STAM2: variants seen among roughly 807,000 people sequenced by gnomAD.
STAM2 encodes the protein signal transducing adaptor molecule 2, also known as signal transducing adapter molecule 2.
Under a neutral mutation model 65.6 loss-of-function variants are expected in STAM2, and 51 were observed. That is an observed-to-expected ratio of 0.78 (90% CI 0.62 to 0.98). The LOEUF (loss-of-function observed/expected upper bound fraction) is 0.98, where lower values mean the gene tolerates loss of function less well. STAM2 is among the 50% of genes least tolerant of loss of function. The probability of loss-of-function intolerance (pLI) is 0.00; values close to 1 mark genes in which losing one functional copy is unlikely to be tolerated. For synonymous variants in STAM2, 198 were observed against 208.4 expected (o/e 0.95, Z 0.43); for missense variants, 584 against 617.8 (o/e 0.95, Z 0.58).
intron 13 of STAM2, among the ~76,000 whole-genome samples, chr2:152,122,182 T>A (rs189735184): frequency 1.3e-5 from 2 of 152,032 alleles, no homozygotes; most frequent in East Asian, 3.9e-4. Flanking sequence ...TCCCAGCATT[T>A]TGGGAGGCCA....
chr2:152,159,901 C>T lies in STAM2; in HGVS notation c.41-9672G>A, dbSNP rs377452884. ...GCGCCGCCACGCCTGACTGGTTTTC[C>T]TATTTTTTTGGTGGAGACGGGGTTT... On this transcript the variant is annotated intron_variant, in intron 1 of 13. Transcript: ENST00000263904. 1.5e-3 allele frequency among the ~76,000 whole-genome samples: 234 copies of T among 152,324 alleles called. 1 individual carries two copies. The highest frequency in any genetic ancestry group is 5.4e-3 in the African/African-American group (226 of 41,574).
Position 152,135,611 on chromosome 2 carries a change from T to C in STAM2, c.705-8A>G, listed in dbSNP as rs376781047. ...TTCCACCAATTGGCATCACTAAAAA[T>C]ACAGTGCAAAAAATATCATTTGTTC... On this transcript the variant is annotated splice_region_variant and splice_polypyrimidine_tract_variant and intron_variant, in intron 7 of 13. Coordinates refer to ENST00000263904, the MANE Select transcript of STAM2 (RefSeq NM_005843.6). 8.3e-6 allele frequency: 13 copies of C among 1,573,222 alleles called. No homozygotes were observed. Among genetic ancestry groups the C allele is most frequent in the African/African-American group, 8.1e-5 (6 of 73,724 alleles).
chr2:152,162,785 C>T (rs369421513), intron 1 of STAM2, among the ~76,000 whole-genome samples: 19 of 150,478 alleles, frequency 1.3e-4, no homozygotes, highest in East Asian at 1.2e-3. Context: ...GGGATATAGG[C>T]GCACGCCACC....
rs1456136560 is a variant in STAM2, at chr2:152,119,294, T to C, written c.*1280A>G. 5 of 152,198 alleles carry C rather than the reference T, an allele frequency of 3.3e-5. No individual in the cohort carries two copies. The highest frequency in any genetic ancestry group is 3.3e-4 in the Admixed American group (5 of 15,278). 9.4% of individuals were successfully genotyped at this position (152,198 alleles called of 1,614,324 possible). On this transcript the variant is annotated 3_prime_UTR_variant, in exon 14 of 14. Coordinates refer to ENST00000263904, the MANE Select transcript of STAM2 (RefSeq NM_005843.6). ...GTTTACTACCAAACTCTCACAGTTATATAGAATCTATTAGCACTATAAACT... is the reference window on the plus strand; with the variant it reads ...GTTTACTACCAAACTCTCACAGTTACATAGAATCTATTAGCACTATAAACT...
intron 1 of STAM2, 56 bp downstream of exon 1, chr2:152,175,547 C>A: frequency 6.2e-7 from 1 of 1,610,618 alleles, no homozygotes; most frequent in East Asian, 2.2e-5. Context: ...TCTAGCCGGA[C>A]AAACAGCAGT....
Position 152,120,755 on chromosome 2 carries a change from G to A in STAM2, c.1397C>T (p.Ser466Phe). 1 of 1,614,160 alleles carries A rather than the reference G, an allele frequency of 6.2e-7. No homozygotes were observed. Among genetic ancestry groups the A allele is most frequent in the Non-Finnish European group, 8.5e-7 (1 of 1,180,032 alleles). ...TGTACCAGTAGCTGACTGTAGGTTA[G>A]AGTTCTGGTTCATATAAGTAGGATT... ...VSNPTYMNQN[S>F]NLQSATGTTA... The change falls in exon 14 of 14, where the codon TCT becomes TTT. Residue 466 changes from serine to phenylalanine, a missense_variant. Transcript: ENST00000263904.
At chr2:152,140,609 T>C (rs1239093831) in intron 7 of STAM2, among the ~76,000 whole-genome samples, 1 of 152,206 alleles carries the variant, frequency 6.6e-6, no homozygotes, top group African/African-American at 2.4e-5. Context: ...TTCCTTAAAA[T>C]ACCTGTTTTA....
At chr2:152,139,812 C>G (rs915402304) in intron 7 of STAM2, among the ~76,000 whole-genome samples, 3 of 151,708 alleles carry the variant, frequency 2.0e-5, no homozygotes, top group Non-Finnish European at 4.4e-5. Context: ...CAAAAGTATT[C>G]ATGAAAGATA....
At chr2:152,148,781 T>A (rs1303122085) in intron 2 of STAM2, among the ~76,000 whole-genome samples, 1 of 146,610 alleles carries the variant, frequency 6.8e-6, no homozygotes. Context: ...CATAGAACTT[T>A]AAAAAAAAAA....
intron 1 of STAM2, among the ~76,000 whole-genome samples, chr2:152,174,612 T>C (rs1326231537): frequency 6.6e-6 from 1 of 152,208 alleles, no homozygotes; most frequent in Non-Finnish European, 1.5e-5. Flanking sequence ...TGCTGAGATG[T>C]GCAGTATTCT....
rs1688777323 is a variant in STAM2 at position 152,117,873 on chromosome 2, G to A, written c.*2701C>T. 2 of 152,046 alleles carry A rather than the reference G, an allele frequency of 1.3e-5. No individual in the cohort carries two copies. The highest frequency in any genetic ancestry group is 1.3e-4 in the Admixed American group (2 of 15,262). The allele number at this position is 152,046 out of a possible 1,614,324, so 9.4% of individuals were successfully genotyped here. Reference sequence around the variant, plus strand: ...AGACAAGTATCAATTATTTCAAACAGCATGACAATTTAACTACAAATAATT... The same window carrying A: ...AGACAAGTATCAATTATTTCAAACAACATGACAATTTAACTACAAATAATT... On this transcript the variant is annotated 3_prime_UTR_variant, in exon 14 of 14. Transcript: ENST00000263904.
intron 1 of STAM2, among the ~76,000 whole-genome samples, chr2:152,162,282 T>C (rs138998200): frequency 5.2e-4 from 79 of 152,178 alleles, no homozygotes; most frequent in African/African-American, 1.9e-3. Context: ...AGGATCCCCA[T>C]AAGTGGGGAC....
intron 10 of STAM2, among the ~76,000 whole-genome samples, chr2:152,132,502 A>T (rs1689082305): frequency 6.6e-6 from 1 of 152,194 alleles, no homozygotes; most frequent in African/African-American, 2.4e-5. Context: ...ACAGTATATA[A>T]ACTATGTAAC....
chr2:152,125,027 G>A (rs1688925966), intron 12 of STAM2, among the ~76,000 whole-genome samples: 1 of 152,214 alleles, frequency 6.6e-6, no homozygotes, highest in Non-Finnish European at 1.5e-5. Context: ...CATGAGTTGT[G>A]CTTGGCAAAA....
intron 12 of STAM2, chr2:152,124,230 G>T (rs1323376680): frequency 3.6e-6 from 1 of 279,148 alleles, no homozygotes; most frequent in Non-Finnish European, 6.7e-6. Flanking sequence ...CTATTACTCA[G>T]TAAAGATGTC....
At chr2:152,161,614 T>G (rs1689680885) in intron 1 of STAM2, among the ~76,000 whole-genome samples, 2 of 152,142 alleles carry the variant, frequency 1.3e-5, no homozygotes, top group African/African-American at 4.8e-5. Context: ...CCTGATAGAC[T>G]GTAAATAATT....
rs900607553 is a variant in STAM2, at chr2:152,118,290, C to T, written c.*2284G>A. 15 of 151,660 alleles carry T rather than the reference C, an allele frequency of 9.9e-5. No homozygotes were observed. Among genetic ancestry groups the T allele is most frequent in the Admixed American group, 5.3e-4 (8 of 15,214 alleles). The allele number at this position is 151,660 out of a possible 1,614,324, so 9.4% of individuals were successfully genotyped here. On this transcript the variant is annotated 3_prime_UTR_variant, in exon 14 of 14. Transcript: ENST00000263904. ...TACACAACCCTGTGTTTCTTAACAC[C>T]GAAAGAATCATCAGTACACAGATTT...
intron 1 of STAM2, among the ~76,000 whole-genome samples, chr2:152,171,230 T>TA (rs758903383): frequency 5.8e-4 from 87 of 151,014 alleles, no homozygotes; most frequent in African/African-American, 2.1e-3. Flanking sequence ...GTTCCTTTCT[T>TA]AAAAAAAAAG....
intron 11 of STAM2, 98 bp from the exon 12 acceptor site, chr2:152,126,477 T>C (rs922333176): frequency 4.2e-6 from 3 of 713,628 alleles, no homozygotes; most frequent in Non-Finnish European, 5.9e-6. Flanking sequence ...TCTATTAATA[T>C]ATTAAAAGGC....
Sources: gnomAD v4.1 joint callset for allele counts (sites outside exome capture counted in the v4.1 genomes callset) on GRCh38, gnomAD v4.1.1 for gene constraint, MANE v1.5 for transcripts, NCBI Gene and HGNC (gene_info 2026-07-23, HGNC 2026-07-21) for gene names.